The following KCNIP4 variants were observed in gnomAD, a reference collection of about 807,000 sequenced individuals.
The protein encoded by KCNIP4 is potassium voltage-gated channel interacting protein 4.
A neutral mutation model predicts 34.0 loss-of-function variants in KCNIP4; 12 were observed. The ratio of observed to expected loss-of-function variants is 0.35; its 90% CI spans 0.23 to 0.57. The LOEUF (loss-of-function observed/expected upper bound fraction) is 0.57. Among genes scored for constraint, KCNIP4 ranks in the 20% least tolerant of loss-of-function variants. The probability of loss-of-function intolerance (pLI) is 0.83; values close to 1 mark genes in which losing one functional copy is unlikely to be tolerated. For missense variants in KCNIP4, 238 were observed against 311.7 expected, an observed-to-expected ratio of 0.76 and a Z score of 1.78; for synonymous variants, 124 against 102.2, an observed-to-expected ratio of 1.21 and a Z score of -1.29.
chr4:21,445,571 A>G (rs2039436524), intron 1 of KCNIP4, among the ~76,000 whole-genome samples: 1 of 152,264 alleles, frequency 6.6e-6, no homozygotes. Context: ...GGCTAGCCAT[A>G]TGGAGAAAGC....
At chr4:21,783,436 G>A (rs1484531125) in intron 1 of KCNIP4, among the ~76,000 whole-genome samples, 1 of 152,094 alleles carries the variant, frequency 6.6e-6, no homozygotes, top group African/African-American at 2.4e-5. Flanking sequence ...AATGTGGATT[G>A]GGGCAGGCAG....
intron 1 of KCNIP4, among the ~76,000 whole-genome samples, chr4:21,720,743 A>G (rs1714771848): frequency 7.6e-6 from 1 of 131,430 alleles, no homozygotes; most frequent in African/African-American, 2.9e-5. Flanking sequence ...AAGTGTTCTC[A>G]TTGTTCAATT....
intron 1 of KCNIP4, among the ~76,000 whole-genome samples, chr4:21,376,546 A>G (rs1720975857): frequency 6.6e-6 from 1 of 152,222 alleles, no homozygotes; most frequent in South Asian, 2.1e-4. Context: ...ATCCTTCAAA[A>G]TTCATCACAA....
chr4:21,502,554 T>C (rs1322508599), intron 1 of KCNIP4, among the ~76,000 whole-genome samples: 2 of 152,168 alleles, frequency 1.3e-5, no homozygotes, highest in African/African-American at 2.4e-5. Flanking sequence ...TCTTTTGATT[T>C]AGCCACACTT....
At chr4:21,062,630 T>C (rs1433496) in intron 1 of KCNIP4, among the ~76,000 whole-genome samples, 119,752 of 151,798 alleles carry the variant, frequency 0.79, 47,885 homozygotes, top group African/African-American at 0.91. Flanking sequence ...ATGGTGAGTC[T>C]GCAAGCAGGA....
intron 1 of KCNIP4, among the ~76,000 whole-genome samples, chr4:21,915,296 G>T (rs963219100): frequency 2.0e-5 from 3 of 152,104 alleles, no homozygotes; most frequent in Non-Finnish European, 4.4e-5. Context: ...ATCTAATAAA[G>T]GTAAAAAAGA....
At chr4:21,312,190 T>C (rs949898231) in intron 1 of KCNIP4, among the ~76,000 whole-genome samples, 2 of 151,950 alleles carry the variant, frequency 1.3e-5, no homozygotes, top group African/African-American at 4.8e-5. Flanking sequence ...TGAAGACAAA[T>C]GGGAGGAAAG....
intron 1 of KCNIP4, among the ~76,000 whole-genome samples, chr4:21,432,875 T>A (rs892292110): frequency 6.6e-6 from 1 of 152,152 alleles, no homozygotes. Flanking sequence ...GGCTGATTTT[T>A]TTTTTAGTAG....
chr4:21,677,568 C>T (rs1226415533), intron 1 of KCNIP4, among the ~76,000 whole-genome samples: 1 of 152,152 alleles, frequency 6.6e-6, no homozygotes, highest in Non-Finnish European at 1.5e-5. Flanking sequence ...ATGGTGGAGC[C>T]TCTCCACTCA....
chr4:21,560,178 A>C (rs1290534527), intron 1 of KCNIP4, among the ~76,000 whole-genome samples: 1 of 152,080 alleles, frequency 6.6e-6, no homozygotes, highest in Non-Finnish European at 1.5e-5. Context: ...AAGCGCCTAA[A>C]TTGAACTTTG....
intron 3 of KCNIP4, among the ~76,000 whole-genome samples, chr4:20,801,051 T>C (rs1169498213): frequency 1.3e-5 from 2 of 152,112 alleles, no homozygotes; most frequent in African/African-American, 2.4e-5. Context: ...TCAAGTCACA[T>C]ACAAGGGAAT....
chr4:21,114,523 A>T (rs1749524409), intron 1 of KCNIP4, among the ~76,000 whole-genome samples: 1 of 152,106 alleles, frequency 6.6e-6, no homozygotes, highest in African/African-American at 2.4e-5. Flanking sequence ...AAGAATAAAA[A>T]AATAAAAAAT....
At chr4:21,046,884 C>T (rs1030029579) in intron 1 of KCNIP4, among the ~76,000 whole-genome samples, 1 of 152,178 alleles carries the variant, frequency 6.6e-6, no homozygotes, top group Non-Finnish European at 1.5e-5. Flanking sequence ...TCAGCCACCG[C>T]GCCTGGTCAG....
intron 1 of KCNIP4, among the ~76,000 whole-genome samples, chr4:21,191,566 C>T: frequency 6.6e-6 from 1 of 152,122 alleles, no homozygotes. Flanking sequence ...CAACAGAATG[C>T]TAGTTAGCAA....
intron 1 of KCNIP4, among the ~76,000 whole-genome samples, chr4:21,528,270 A>G (rs1266002013): frequency 6.6e-6 from 1 of 152,014 alleles, no homozygotes; most frequent in Non-Finnish European, 1.5e-5. Flanking sequence ...ACAATCTGGG[A>G]TTTGAGTTAT....
chr4:21,368,249 C>A (rs1719988911), intron 1 of KCNIP4, among the ~76,000 whole-genome samples: 1 of 146,954 alleles, frequency 6.8e-6, no homozygotes, highest in Admixed American at 6.6e-5. Flanking sequence ...CACACACACA[C>A]ACACACACAA....
At chr4:21,238,777 C>G (rs1423094612) in intron 1 of KCNIP4, among the ~76,000 whole-genome samples, 1 of 152,108 alleles carries the variant, frequency 6.6e-6, no homozygotes, top group African/African-American at 2.4e-5. Flanking sequence ...TAGGAAGAAT[C>G]AATATCATGA....
intron 1 of KCNIP4, among the ~76,000 whole-genome samples, chr4:21,106,640 C>A (rs1052492334): frequency 1.3e-4 from 20 of 151,454 alleles, no homozygotes; most frequent in Admixed American, 1.2e-3. Context: ...CTTCTGCTAG[C>A]GTTTGAATGT....
chr4:21,868,702 C>T (rs913137537), intron 1 of KCNIP4, among the ~76,000 whole-genome samples: 1 of 152,176 alleles, frequency 6.6e-6, no homozygotes, highest in Non-Finnish European at 1.5e-5. Flanking sequence ...TAGTAATTGA[C>T]TGTCGATTTG....
Sources: allele counts gnomAD v4.1 joint callset (sites outside exome capture counted in the v4.1 genomes callset), GRCh38; gene constraint gnomAD v4.1.1; transcripts MANE v1.5; gene names NCBI Gene and HGNC (gene_info 2026-07-23, HGNC 2026-07-21).